Variants in ZC3H7A observed in about 807,000 individuals in gnomAD.
ZC3H7A encodes the protein zinc finger CCCH domain-containing protein 7A.
ZC3H7A carries 44 observed loss-of-function variants against 125.5 expected under a neutral mutation model. That is an observed-to-expected ratio of 0.35 (90% confidence interval 0.28 to 0.45). ZC3H7A has a LOEUF of 0.45. ZC3H7A is among the 20% of genes least tolerant of loss of function. The pLI, the probability that ZC3H7A is intolerant of heterozygous loss-of-function variation, is 1.00. For synonymous variants in ZC3H7A, 399 were observed against 391.2 expected, an observed-to-expected ratio of 1.02 and a Z score of -0.23; for missense variants, 977 against 1,170.7, an observed-to-expected ratio of 0.83 and a Z score of 2.41.
In ZC3H7A at chr16:11,751,029, C is replaced by T; in HGVS notation, c.*288G>A. On this transcript the variant is annotated 3_prime_UTR_variant, in exon 23 of 23. Coordinates refer to ENST00000355758, the MANE Select transcript of ZC3H7A (RefSeq NM_014153.4). ...ATGAAGGACCAACTCAAAGAGTTGT[C>T]CTAGATATAACCTTATCCTCTTCCC... The T allele has an allele frequency of 8.0e-6, 2 of 250,530 alleles. No homozygotes were observed. The highest frequency in any genetic ancestry group is 1.7e-4 in the East Asian group (2 of 11,610). The allele number at this position is 250,530 out of a possible 1,614,324, so 15.5% of individuals were successfully genotyped here.
In ZC3H7A at chr16:11,752,823, G is replaced by GA; in HGVS notation, c.2571dup (p.His858SerfsTer12). 1 of 1,612,728 alleles carries GA rather than the reference G, an allele frequency of 6.2e-7. No individual in the cohort carries two copies. The highest frequency in any genetic ancestry group is 8.5e-7 in the Non-Finnish European group (1 of 1,179,652). ...CAGTTTTTCCCACACATCCAGCAGT[G>GA]AAAGTCCACCTAATGTGCAGCAAAG... On this transcript the variant is annotated frameshift_variant, in exon 22 of 23. Coordinates refer to ENST00000355758, the MANE Select transcript of ZC3H7A (RefSeq NM_014153.4). LOFTEE classifies it high-confidence loss of function.
intron 1 of ZC3H7A, among the ~76,000 whole-genome samples, chr16:11,794,625 C>T (rs891386398): frequency 1.3e-5 from 2 of 152,142 alleles, no homozygotes; most frequent in Admixed American, 6.6e-5. Context: ...CTCTAGAAAG[C>T]CCTTTCTAGG....
chr16:11,769,596 A>C (rs2052934095), intron 10 of ZC3H7A, among the ~76,000 whole-genome samples: 1 of 149,968 alleles, frequency 6.7e-6, no homozygotes, highest in African/African-American at 2.5e-5. Flanking sequence ...CTGTAATCCC[A>C]GCTACTCAGG....
intron 3 of ZC3H7A, among the ~76,000 whole-genome samples, chr16:11,779,767 C>G (rs2053143144): frequency 1.3e-5 from 2 of 152,130 alleles, no homozygotes; most frequent in African/African-American, 4.8e-5. Context: ...TTATAGCACC[C>G]ATACACACTA....
At chr16:11,760,122 GAAAAAAAAAAAA>G (rs66812605) in intron 19 of ZC3H7A, among the ~76,000 whole-genome samples, 3 of 82,532 alleles carry the variant, frequency 3.6e-5, no homozygotes, top group African/African-American at 5.4e-5. Context: ...AAGAAAAAAT[GAAAAAAAAAAAA>G]AAAAAAAAAA....
At chr16:11,789,310 C>T (rs1291213516) in intron 1 of ZC3H7A, among the ~76,000 whole-genome samples, 1 of 152,072 alleles carries the variant, frequency 6.6e-6, no homozygotes, top group African/African-American at 2.4e-5. Flanking sequence ...GTCACCCAGG[C>T]TGGAGTGCAA....
rs566830941 is a variant in ZC3H7A at position 11,765,741 on chromosome 16, C to G, written c.1523-56G>C. 5.1e-5 allele frequency: 79 copies of G among 1,538,586 alleles called. 2 individuals carry two copies. In the South Asian group the frequency reaches 8.3e-4, roughly 16 times the overall value. ...AAACATGGCAATTGGCCTGTACTCC[C>G]AGCTACTTGGGAGGCTGAGGTGGGA... is the stretch of plus-strand genomic sequence containing the variant. On this transcript the variant is annotated intron_variant, in intron 13 of 22. Coordinates refer to ENST00000355758, the MANE Select transcript of ZC3H7A (RefSeq NM_014153.4). This position sits in a 1 kb window ranked among gnomAD's most constrained non-coding sequence, Gnocchi z 4.8.
In ZC3H7A at chr16:11,752,656, G is replaced by A. The variant is rs746702953; in HGVS notation, c.2726+13C>T. Reference sequence around the variant, plus strand: ...GCAATTCTGACATGGAAAAATTGTAGAAACCTACATACCTATCACAAATAC... The same window carrying A: ...GCAATTCTGACATGGAAAAATTGTAAAAACCTACATACCTATCACAAATAC... On this transcript the variant is annotated intron_variant, in intron 22 of 22. Coordinates refer to ENST00000355758, the MANE Select transcript of ZC3H7A (RefSeq NM_014153.4). 9 of 1,589,638 alleles carry A rather than the reference G, an allele frequency of 5.7e-6. No individual in the cohort carries two copies. Among genetic ancestry groups the A allele is most frequent in the Non-Finnish European group, 6.8e-6 (8 of 1,169,574 alleles).
At chr16:11,753,481 A>C (rs1597528148) in intron 21 of ZC3H7A, among the ~76,000 whole-genome samples, 1 of 152,132 alleles carries the variant, frequency 6.6e-6, no homozygotes, top group Non-Finnish European at 1.5e-5. Flanking sequence ...TCTCGCTGTC[A>C]TCCAGGCTAG....
intron 1 of ZC3H7A, among the ~76,000 whole-genome samples, chr16:11,794,523 G>C (rs540867444): frequency 2.2e-4 from 33 of 151,872 alleles, no homozygotes; most frequent in Admixed American, 9.8e-4. Context: ...AAGGATTCTG[G>C]AGAAAAATAT....
At chr16:11,785,082 CG>C (rs768746284) in intron 1 of ZC3H7A, among the ~76,000 whole-genome samples, 24 of 147,750 alleles carry the variant, frequency 1.6e-4, no homozygotes, top group Non-Finnish European at 3.4e-4. Flanking sequence ...CGCTTCAACC[CG>C]GGAGGCGGAG....
intron 12 of ZC3H7A, 106 bp downstream of exon 12, chr16:11,768,209 G>T (rs1596386702): frequency 4.4e-6 from 5 of 1,139,970 alleles, no homozygotes; most frequent in South Asian, 3.1e-5. Context: ...AGGGATTGAA[G>T]AACCATAATA....
At chr16:11,763,945 A>G (rs1041034011) in intron 15 of ZC3H7A, among the ~76,000 whole-genome samples, 1 of 150,942 alleles carries the variant, frequency 6.6e-6, no homozygotes, top group Non-Finnish European at 1.5e-5. Context: ...TTGGGACTAC[A>G]GGCGCCCACC....
chr16:11,757,280 C>T (rs1442877237), intron 20 of ZC3H7A, among the ~76,000 whole-genome samples: 1 of 151,870 alleles, frequency 6.6e-6, no homozygotes, highest in Non-Finnish European at 1.5e-5. Flanking sequence ...GTCAGGAGAT[C>T]GAGACCATCC....
chr16:11,764,773 T>TG lies in ZC3H7A; in HGVS notation c.1820+279dup, dbSNP rs199696666. ...CACTACATGCAATTGTTGAATTAAT[T>TG]GGGGGGGGTACTTATATTTTAAGCC... On this transcript the variant is annotated intron_variant, in intron 15 of 22. Coordinates refer to ENST00000355758, the MANE Select transcript of ZC3H7A (RefSeq NM_014153.4). Among the ~76,000 whole-genome samples, 500 of 151,448 alleles carry TG rather than the reference T, an allele frequency of 3.3e-3. 3 individuals carry two copies. The highest frequency in any genetic ancestry group is 0.01 in the Middle Eastern group (3 of 294).
chr16:11,764,708 C>T (rs909739849), intron 15 of ZC3H7A, among the ~76,000 whole-genome samples: 6 of 151,824 alleles, frequency 4.0e-5, no homozygotes, highest in South Asian at 2.1e-4. Flanking sequence ...GGTGACAGAG[C>T]GAGACTCTGT....
rs1596405297 is a variant in ZC3H7A, at chr16:11,788,498, T to C, written c.-34-6110A>G. ...AGTGAAAAGGAATGTCTCCTTCCCA[T>C]CCTATCACTTAGCCACCCATTTGCC... On this transcript the variant is annotated intron_variant, in intron 1 of 22. Coordinates refer to ENST00000355758, the MANE Select transcript of ZC3H7A (RefSeq NM_014153.4). Among the ~76,000 whole-genome samples the C allele has an allele frequency of 2.0e-5, 3 of 152,204 alleles. No individual in the cohort carries two copies. The South Asian group carries it at 6.2e-4, about 32-fold the overall frequency.
intron 1 of ZC3H7A, among the ~76,000 whole-genome samples, chr16:11,786,164 C>A (rs1352809801): frequency 1.3e-5 from 2 of 152,152 alleles, no homozygotes; most frequent in East Asian, 3.8e-4. Context: ...TCCTCTGAGC[C>A]CTTCCTTGGA....
chr16:11,796,108 C>G (rs1342444230), intron 1 of ZC3H7A: 5 of 152,260 alleles, frequency 3.3e-5, no homozygotes, highest in East Asian at 1.9e-4. Flanking sequence ...TTTGGGATGA[C>G]AGGCATGAGC....
Sources: allele counts gnomAD v4.1 joint callset (sites outside exome capture counted in the v4.1 genomes callset), GRCh38; gene constraint gnomAD v4.1.1; non-coding constraint Gnocchi (gnomAD v3.1); transcripts MANE v1.5; gene names NCBI Gene and HGNC (gene_info 2026-07-23, HGNC 2026-07-21).